Variants in RAB2A observed in about 807,000 individuals in gnomAD.
The protein encoded by RAB2A is ras-related protein Rab-2A.
RAB2A carries 7 observed loss-of-function variants against 32.5 expected under a neutral mutation model. That is an observed-to-expected ratio of 0.22 (90% confidence interval 0.12 to 0.40). The LOEUF (loss-of-function observed/expected upper bound fraction) is 0.40. RAB2A is among the 10% of genes least tolerant of loss of function. RAB2A has a pLI of 1.00. For synonymous variants in RAB2A, 79 were observed against 85.2 expected, an observed-to-expected ratio of 0.93 and a Z score of 0.40; for missense variants, 108 against 260.7, an observed-to-expected ratio of 0.41 and a Z score of 4.03.
intron 1 of RAB2A, among the ~76,000 whole-genome samples, chr8:60,554,465 G>T (rs1463474860): frequency 6.6e-6 from 1 of 152,166 alleles, no homozygotes; most frequent in African/African-American, 2.4e-5. Context: ...CATGGGTAGG[G>T]TGAATCACAG....
intron 1 of RAB2A, among the ~76,000 whole-genome samples, chr8:60,535,282 A>C (rs1427666784): frequency 6.6e-6 from 1 of 152,204 alleles, no homozygotes; most frequent in African/African-American, 2.4e-5. Context: ...GAAGTCAATA[A>C]AAGTACTGCT....
intron 1 of RAB2A, among the ~76,000 whole-genome samples, chr8:60,523,789 C>T (rs1168402499): frequency 6.6e-6 from 1 of 150,522 alleles, no homozygotes; most frequent in Non-Finnish European, 1.5e-5. Flanking sequence ...CTCCCGGGTT[C>T]ACACCATTCT....
intron 5 of RAB2A, 135 bp downstream of exon 5, chr8:60,584,950 G>T: frequency 3.8e-6 from 2 of 521,900 alleles, no homozygotes; most frequent in Non-Finnish European, 6.5e-6. Flanking sequence ...ATTCTAAGGT[G>T]TTTCTTTTGA....
intron 3 of RAB2A, among the ~76,000 whole-genome samples, chr8:60,575,301 T>C (rs1335338551): frequency 6.6e-6 from 1 of 152,096 alleles, no homozygotes; most frequent in Non-Finnish European, 1.5e-5. Context: ...AGTCTTGTTA[T>C]GTTTCCCAGG....
At chr8:60,519,108 TTGC>T (rs758895405) in intron 1 of RAB2A, among the ~76,000 whole-genome samples, 14 of 150,672 alleles carry the variant, frequency 9.3e-5, no homozygotes, top group Non-Finnish European at 2.1e-4. Flanking sequence ...TTTCTTGTCA[TTGC>T]TGCTGATACG....
Position 60,570,239 on chromosome 8 carries a change from T to C in RAB2A, c.119-1807T>C, listed in dbSNP as rs896296986. On this transcript the variant is annotated intron_variant, in intron 2 of 7. Transcript: ENST00000262646. ...TTGACGTTATGAGCAATATAGATAGTTTTGGATTGTGCTTAAAAGCCAACC... is the reference window on the plus strand; with the variant it reads ...TTGACGTTATGAGCAATATAGATAGCTTTGGATTGTGCTTAAAAGCCAACC... 2.0e-5 allele frequency among the ~76,000 whole-genome samples: 3 copies of C among 152,174 alleles called. No individual in the cohort carries two copies. In the East Asian group the frequency reaches 5.8e-4, roughly 29 times the overall value.
chr8:60,612,727 T>C (rs555597049), intron 6 of RAB2A, among the ~76,000 whole-genome samples: 1 of 152,310 alleles, frequency 6.6e-6, no homozygotes, highest in East Asian at 1.9e-4. Flanking sequence ...AATTATAGAT[T>C]GTAGATTTAG....
intron 6 of RAB2A, among the ~76,000 whole-genome samples, chr8:60,613,567 G>A (rs1245359200): frequency 6.6e-6 from 1 of 152,178 alleles, no homozygotes; most frequent in Non-Finnish European, 1.5e-5. Context: ...TGGTTCCAGA[G>A]CAACACAGCT....
chr8:60,523,880 C>T (rs539914865), intron 1 of RAB2A, among the ~76,000 whole-genome samples: 10 of 151,838 alleles, frequency 6.6e-5, no homozygotes, highest in Admixed American at 4.6e-4. Context: ...TTAGTAGAGA[C>T]GGGGTTTCAC....
In RAB2A at chr8:60,623,211, T is replaced by C. The variant is rs931507278; in HGVS notation, c.*2442T>C. The C allele has an allele frequency of 2.6e-5, 4 of 152,236 alleles. No individual in the cohort carries two copies. Among genetic ancestry groups the C allele is most frequent in the African/African-American group, 7.2e-5 (3 of 41,474 alleles). 9.4% of individuals were successfully genotyped at this position (152,236 alleles called of 1,614,324 possible). A position where few individuals can be genotyped will look rare whatever the true frequency, so the allele number is the denominator to read the frequency against. ...TGAAAGAATGTGGCATATAATTAGA[T>C]ATACAACTGAAACAGGATATACAAC... On this transcript the variant is annotated 3_prime_UTR_variant, in exon 8 of 8. Transcript: ENST00000262646.
chr8:60,618,164 C>A (rs975301061), intron 6 of RAB2A, among the ~76,000 whole-genome samples: 3 of 152,174 alleles, frequency 2.0e-5, no homozygotes, highest in African/African-American at 7.2e-5. Flanking sequence ...GTGAATAATG[C>A]TGTTTGTAAT....
chr8:60,555,470 A>G (rs1055042119), intron 1 of RAB2A, among the ~76,000 whole-genome samples: 1 of 152,230 alleles, frequency 6.6e-6, no homozygotes, highest in Non-Finnish European at 1.5e-5. Context: ...ATATTTGCAA[A>G]CTATTTATCT....
At chr8:60,541,591 A>C (rs1035975020) in intron 1 of RAB2A, among the ~76,000 whole-genome samples, 2 of 152,178 alleles carry the variant, frequency 1.3e-5, no homozygotes, top group African/African-American at 4.8e-5. Flanking sequence ...CAGCAGGCTG[A>C]GGCAGGAGAA....
intron 6 of RAB2A, among the ~76,000 whole-genome samples, chr8:60,612,544 TAAAAC>T (rs1417318366): frequency 6.6e-6 from 1 of 152,198 alleles, no homozygotes; most frequent in South Asian, 2.1e-4. Context: ...AACTGCAACA[TAAAAC>T]AAATGAAAAT....
chr8:60,521,592 AAATTATGTATCATGCT>A (rs949946741), intron 1 of RAB2A, among the ~76,000 whole-genome samples: 5 of 152,134 alleles, frequency 3.3e-5, no homozygotes, highest in African/African-American at 7.2e-5. Context: ...TTGCAAAGTG[AAATTATGTATCATGCT>A]AAAATTGCAA....
chr8:60,605,410 C>A (rs751181251), intron 6 of RAB2A, among the ~76,000 whole-genome samples: 3 of 152,238 alleles, frequency 2.0e-5, no homozygotes, highest in Non-Finnish European at 2.9e-5. Context: ...CCCACTGGGG[C>A]ACCACCTAGT....
At chr8:60,602,602 A>G (rs1369666183) in intron 6 of RAB2A, among the ~76,000 whole-genome samples, 4 of 152,218 alleles carry the variant, frequency 2.6e-5, no homozygotes, top group East Asian at 1.9e-4. Context: ...ATCAGTTCCT[A>G]TGGCAGGAGA....
At chr8:60,523,707 T>C (rs1441273497) in intron 1 of RAB2A, among the ~76,000 whole-genome samples, 2 of 151,680 alleles carry the variant, frequency 1.3e-5, no homozygotes, top group Non-Finnish European at 2.9e-5. Flanking sequence ...TTTTTTTTTT[T>C]TTGAGACAAG....
chr8:60,558,365 C>A lies in RAB2A; in HGVS notation c.47-487C>A, dbSNP rs182687363. The A allele has an allele frequency of 1.4e-3, 682 of 470,674 alleles. 2 individuals are homozygous for A. Among genetic ancestry groups the A allele is most frequent in the Admixed American group, 1.9e-3 (83 of 43,786 alleles). 29.2% of individuals were successfully genotyped at this position (470,674 alleles called of 1,614,324 possible). A position where few individuals can be genotyped will look rare whatever the true frequency, so the allele number is the denominator to read the frequency against. On this transcript the variant is annotated intron_variant, in intron 1 of 7. Transcript: ENST00000262646. ...AGAGTGAAGGAATGCAATTCAGATT[C>A]CATTTGCTTGTGAAATGAATTAGCG...
Sources: allele counts gnomAD v4.1 joint callset (sites outside exome capture counted in the v4.1 genomes callset), GRCh38; gene constraint gnomAD v4.1.1; transcripts MANE v1.5; gene names NCBI Gene and HGNC (gene_info 2026-07-23, HGNC 2026-07-21).